UNC5C: variants seen among roughly 807,000 people sequenced by gnomAD.
The protein encoded by UNC5C is unc-5 netrin receptor C.
A neutral mutation model predicts 99.8 loss-of-function variants in UNC5C; 47 were observed. The ratio of observed to expected loss-of-function variants is 0.47; its 90% CI spans 0.37 to 0.60. The LOEUF (loss-of-function observed/expected upper bound fraction) is 0.60. Among genes scored for constraint, UNC5C ranks in the 20% least tolerant of loss-of-function variants. The pLI, the probability that UNC5C is intolerant of heterozygous loss-of-function variation, is 0.00. For synonymous variants in UNC5C, 487 were observed against 452.2 expected (o/e 1.08, Z -0.98); for missense variants, 1,062 against 1,165.9 (o/e 0.91, Z 1.30).
At chr4:95,371,434 GA>G (rs368809119) in intron 1 of UNC5C, among the ~76,000 whole-genome samples, 5,634 of 19,296 alleles carry the variant, frequency 0.29, 260 homozygotes, top group East Asian at 0.46. Flanking sequence ...GGGGGGGGGG[GA>G]GTATCAAATG....
chr4:95,192,512 G>A (rs1205571645), intron 12 of UNC5C, among the ~76,000 whole-genome samples: 54 of 104,510 alleles, frequency 5.2e-4, no homozygotes, highest in Non-Finnish European at 9.4e-4. Flanking sequence ...CTCCTCCCCT[G>A]CTCACCTCCT....
chr4:95,209,060 G>T (rs77321857), intron 10 of UNC5C, among the ~76,000 whole-genome samples: 4,139 of 152,228 alleles, frequency 0.027, 103 homozygotes, highest in African/African-American at 0.049. Flanking sequence ...CAAATGGCAG[G>T]CCTGTCTACT....
intron 1 of UNC5C, among the ~76,000 whole-genome samples, chr4:95,489,712 T>C (rs1721428421): frequency 6.6e-6 from 1 of 151,704 alleles, no homozygotes; most frequent in African/African-American, 2.4e-5. Context: ...TCAGGACATG[T>C]TGATAACTGG....
intron 2 of UNC5C, among the ~76,000 whole-genome samples, chr4:95,315,351 T>A (rs1742435377): frequency 6.6e-6 from 1 of 152,302 alleles, no homozygotes; most frequent in Admixed American, 6.5e-5. Context: ...CTTCCTGCCT[T>A]AGTCAGGAGT....
rs1049427864 is a variant in UNC5C, at chr4:95,335,743, A to T, written c.125-112T>A. On this transcript the variant is annotated intron_variant, in intron 1 of 15. Coordinates refer to ENST00000453304, the MANE Select transcript of UNC5C (RefSeq NM_003728.4). ...TAAATGCAGTAATTAAGTGATTTGA[A>T]TGCCTGCTGTGTGCCAGGCTGTATG... is the stretch of plus-strand genomic sequence containing the variant. 2.1e-5 allele frequency: 17 copies of T among 805,882 alleles called. No homozygotes were observed. In the South Asian group the frequency reaches 3.2e-4, roughly 15 times the overall value. The allele number at this position is 805,882 out of a possible 1,614,324, so 49.9% of individuals were successfully genotyped here.
chr4:95,233,892 C>T (rs560060047), intron 7 of UNC5C, among the ~76,000 whole-genome samples: 13 of 151,880 alleles, frequency 8.6e-5, no homozygotes, highest in Non-Finnish European at 1.5e-4. Flanking sequence ...GCCAGAATGG[C>T]GCCACTGCAC....
At chr4:95,487,283 T>C (rs1036846009) in intron 1 of UNC5C, among the ~76,000 whole-genome samples, 3 of 151,782 alleles carry the variant, frequency 2.0e-5, no homozygotes, top group African/African-American at 7.2e-5. Flanking sequence ...GCTTGTTGAA[T>C]AAACAAAGGA....
At chr4:95,486,623 A>C (rs1721336507) in intron 1 of UNC5C, among the ~76,000 whole-genome samples, 1 of 151,578 alleles carries the variant, frequency 6.6e-6, no homozygotes, top group Non-Finnish European at 1.5e-5. Context: ...CTGCTACCAG[A>C]GTTATTATTC....
At chr4:95,360,803 C>A (rs773114462) in intron 1 of UNC5C, among the ~76,000 whole-genome samples, 1 of 151,980 alleles carries the variant, frequency 6.6e-6, no homozygotes, top group East Asian at 1.9e-4. Context: ...TATTAAACCT[C>A]CAAAAAAGAA....
intron 1 of UNC5C, among the ~76,000 whole-genome samples, chr4:95,490,858 T>C (rs1406501678): frequency 5.3e-5 from 8 of 151,734 alleles, no homozygotes; most frequent in African/African-American, 1.9e-4. Context: ...AGTTATTATA[T>C]AGCCAGGCAG....
At chr4:95,227,882 C>A (rs1200395844) in intron 7 of UNC5C, among the ~76,000 whole-genome samples, 1 of 152,282 alleles carries the variant, frequency 6.6e-6, no homozygotes, top group East Asian at 1.9e-4. Context: ...CATTTCCTGG[C>A]TGCTGGTAGT....
At chr4:95,531,692 T>A (rs1259117361) in intron 1 of UNC5C, among the ~76,000 whole-genome samples, 4 of 152,214 alleles carry the variant, frequency 2.6e-5, no homozygotes, top group Non-Finnish European at 5.9e-5. Context: ...AGGGAAACAC[T>A]GGGTTTAATA....
At chr4:95,272,905 A>G (rs780542101) in intron 4 of UNC5C, among the ~76,000 whole-genome samples, 2 of 152,222 alleles carry the variant, frequency 1.3e-5, no homozygotes, top group Non-Finnish European at 2.9e-5. Flanking sequence ...CTATTATGGA[A>G]GAATGGCAAG....
chr4:95,186,373 G>A (rs959114320), intron 12 of UNC5C, among the ~76,000 whole-genome samples: 1 of 152,146 alleles, frequency 6.6e-6, no homozygotes, highest in African/African-American at 2.4e-5. Context: ...AGCACAGGTG[G>A]GTCGCAGTGG....
chr4:95,316,377 T>C (rs1742476400), intron 2 of UNC5C, among the ~76,000 whole-genome samples: 1 of 152,102 alleles, frequency 6.6e-6, no homozygotes, highest in Non-Finnish European at 1.5e-5. Context: ...ACTTGGAGTG[T>C]GGACCCAACC....
rs1735796583 is a variant in UNC5C, at chr4:95,164,700, A to G, written c.*4534T>C. 6.6e-6 allele frequency: 1 copy of G among 152,258 alleles called. No homozygotes were observed. The highest frequency in any genetic ancestry group is 2.4e-5 in the African/African-American group (1 of 41,470). 9.4% of individuals were successfully genotyped at this position (152,258 alleles called of 1,614,324 possible). A position where few individuals can be genotyped will look rare whatever the true frequency, so the allele number is the denominator to read the frequency against. On this transcript the variant is annotated 3_prime_UTR_variant, in exon 16 of 16. Transcript: ENST00000453304. ...ACAAAAGCTCTTCCATTCTCAAAGAAGATGGATAAAGTCCCATTTCATTTC... is the reference window on the plus strand; with the variant it reads ...ACAAAAGCTCTTCCATTCTCAAAGAGGATGGATAAAGTCCCATTTCATTTC...
At chr4:95,287,723 T>C (rs1741286709) in intron 3 of UNC5C, among the ~76,000 whole-genome samples, 1 of 152,228 alleles carries the variant, frequency 6.6e-6, no homozygotes, top group South Asian at 2.1e-4. Flanking sequence ...ATCCTCAGCC[T>C]AGAGTTCACT....
chr4:95,175,478 T>G (rs1275759893), intron 14 of UNC5C, among the ~76,000 whole-genome samples: 24 of 151,252 alleles, frequency 1.6e-4, no homozygotes, highest in African/African-American at 5.8e-4. Context: ...GTCTGTAAAG[T>G]ATTTTATTTC....
rs542696019 is a variant in UNC5C, at chr4:95,456,398, A to T, written c.124+92336T>A. On this transcript the variant is annotated intron_variant, in intron 1 of 15. Coordinates refer to ENST00000453304, the MANE Select transcript of UNC5C (RefSeq NM_003728.4). ...GGAACTTAATCATAGTGGTGATGGA[A>T]ATAGACTAACTTGCTTTGGTAAACT... Among the ~76,000 whole-genome samples, 199 of 152,226 alleles carry T rather than the reference A, an allele frequency of 1.3e-3. 1 individual carries two copies. The highest frequency in any genetic ancestry group is 4.7e-3 in the Admixed American group (72 of 15,276).
Sources: gnomAD v4.1 joint callset for allele counts (sites outside exome capture counted in the v4.1 genomes callset) on GRCh38, gnomAD v4.1.1 for gene constraint, MANE v1.5 for transcripts, NCBI Gene and HGNC (gene_info 2026-07-23, HGNC 2026-07-21) for gene names.